NRG1: variants seen among roughly 807,000 people sequenced by gnomAD.
NRG1 encodes the protein pro-neuregulin-1, membrane-bound isoform.
NRG1 carries 18 observed loss-of-function variants against 63.8 expected under a neutral mutation model. The ratio of observed to expected loss-of-function variants is 0.28; its 90% CI spans 0.19 to 0.42. NRG1 has a LOEUF of 0.42. Ranked by LOEUF, NRG1 falls within the 10% of genes least tolerant of loss-of-function variation. The pLI is 1.00. For missense variants in NRG1, 762 were observed against 814.7 expected, an observed-to-expected ratio of 0.94 and a Z score of 0.79; for synonymous variants, 302 against 301.3, an observed-to-expected ratio of 1.00 and a Z score of -0.02.
intron 1 of NRG1, among the ~76,000 whole-genome samples, chr8:32,322,133 A>C (rs75978193): frequency 6.6e-6 from 1 of 152,020 alleles, no homozygotes; most frequent in Non-Finnish European, 1.5e-5. Context: ...CACAGTGATC[A>C]TGCCTGTGAA....
chr8:32,625,788 C>CTTTTTTTTTTTTTTTCTTTTTTTT (rs1563796353), intron 5 of NRG1, among the ~76,000 whole-genome samples: 1 of 94,240 alleles, frequency 1.1e-5, no homozygotes, highest in Admixed American at 1.1e-4. Flanking sequence ...TTTTTTTTTT[C>CTTTTTTTTTTTTTTTCTTTTTTTT]TTTTTTCTTT....
intron 1 of NRG1, among the ~76,000 whole-genome samples, chr8:32,521,009 C>T (rs927419798): frequency 1.3e-5 from 2 of 152,150 alleles, no homozygotes; most frequent in African/African-American, 4.8e-5. Flanking sequence ...AGAGTAGTGA[C>T]ATCAACATGT....
intron 1 of NRG1, among the ~76,000 whole-genome samples, chr8:32,158,022 C>T (rs980354321): frequency 1.3e-5 from 2 of 152,182 alleles, no homozygotes; most frequent in South Asian, 2.1e-4. Context: ...ACAGGACTCC[C>T]TCACATCCTG....
At chr8:32,394,118 G>A (rs747485347) in intron 1 of NRG1, among the ~76,000 whole-genome samples, 8 of 152,102 alleles carry the variant, frequency 5.3e-5, no homozygotes, top group Non-Finnish European at 1.0e-4. Flanking sequence ...CAGTAACACA[G>A]TGAGCACTTA....
intron 1 of NRG1, among the ~76,000 whole-genome samples, chr8:32,069,273 G>T (rs1036375072): frequency 6.6e-6 from 1 of 152,158 alleles, no homozygotes. Context: ...GGATACTGTT[G>T]GAAAGGGAGA....
intron 1 of NRG1, among the ~76,000 whole-genome samples, chr8:31,826,362 T>C (rs951457488): frequency 1.3e-5 from 2 of 152,108 alleles, no homozygotes; most frequent in African/African-American, 4.8e-5. Context: ...GTCTTTCCTG[T>C]GCTGTTCTCG....
chr8:32,031,820 C>T (rs1818296484), intron 1 of NRG1, among the ~76,000 whole-genome samples: 1 of 152,164 alleles, frequency 6.6e-6, no homozygotes, highest in African/African-American at 2.4e-5. Flanking sequence ...CATAGTATTC[C>T]ATGGTGTATA....
At chr8:32,333,261 T>C (rs1257104237) in intron 1 of NRG1, among the ~76,000 whole-genome samples, 1 of 152,224 alleles carries the variant, frequency 6.6e-6, no homozygotes, top group Non-Finnish European at 1.5e-5. Context: ...TTTTAGATGT[T>C]GCTTTGCTCA....
At chr8:31,804,785 A>G (rs1355369786) in intron 1 of NRG1, among the ~76,000 whole-genome samples, 1 of 152,224 alleles carries the variant, frequency 6.6e-6, no homozygotes, top group African/African-American at 2.4e-5. Context: ...CTTGTGGTCA[A>G]CTGATTATAG....
chr8:31,747,006 G>C (rs561369554), intron 1 of NRG1, among the ~76,000 whole-genome samples: 2 of 151,994 alleles, frequency 1.3e-5, no homozygotes, highest in African/African-American at 4.8e-5. Context: ...GTTACCAGAG[G>C]CTGGGAAGGG....
intron 1 of NRG1, among the ~76,000 whole-genome samples, chr8:31,887,117 A>G (rs1374235668): frequency 6.6e-6 from 1 of 152,066 alleles, no homozygotes; most frequent in Non-Finnish European, 1.5e-5. Flanking sequence ...TTTCCATGTA[A>G]TCCTGGGACC....
chr8:32,675,247 A>G (rs981036880), intron 5 of NRG1, among the ~76,000 whole-genome samples: 1 of 152,208 alleles, frequency 6.6e-6, no homozygotes, highest in Non-Finnish European at 1.5e-5. Context: ...AGAATTTTGC[A>G]TCCATACTGT....
chr8:31,762,473 C>A (rs1001321574), intron 1 of NRG1, among the ~76,000 whole-genome samples: 1 of 152,132 alleles, frequency 6.6e-6, no homozygotes, highest in African/African-American at 2.4e-5. Flanking sequence ...GGTTCCATGT[C>A]TTTGCTATTG....
chr8:32,770,612 T>G (rs1484594662), downstream of NRG1, among the ~76,000 whole-genome samples: 1 of 152,216 alleles, frequency 6.6e-6, no homozygotes, highest in Non-Finnish European at 1.5e-5. Context: ...GCACCTTTCC[T>G]AAACTTAGCT....
chr8:32,103,699 G>A (rs1276367999), intron 1 of NRG1, among the ~76,000 whole-genome samples: 2 of 152,136 alleles, frequency 1.3e-5, no homozygotes, highest in African/African-American at 4.8e-5. Flanking sequence ...TTTGCTGAAG[G>A]TGAGAATATG....
At chr8:32,645,977 T>C (rs1164125090) in intron 5 of NRG1, among the ~76,000 whole-genome samples, 1 of 152,216 alleles carries the variant, frequency 6.6e-6, no homozygotes, top group Admixed American at 6.5e-5. Context: ...AAAACTCTTC[T>C]TAGTACTTTC....
At chr8:31,728,812 G>T (rs556553084) in intron 1 of NRG1, among the ~76,000 whole-genome samples, 3 of 152,118 alleles carry the variant, frequency 2.0e-5, no homozygotes, top group Non-Finnish European at 4.4e-5. Flanking sequence ...TCTTGTTTAT[G>T]ATACTATTTC....
At chr8:31,824,173 C>G (rs1449797652) in intron 1 of NRG1, among the ~76,000 whole-genome samples, 1 of 122,638 alleles carries the variant, frequency 8.2e-6, no homozygotes, top group Non-Finnish European at 1.7e-5. Context: ...CCCCCTCCCC[C>G]CTCCCCCCAC....
intron 1 of NRG1, among the ~76,000 whole-genome samples, chr8:32,144,923 T>G (rs985321699): frequency 6.6e-6 from 1 of 152,180 alleles, no homozygotes; most frequent in African/African-American, 2.4e-5. Context: ...GAATATGAAG[T>G]TTGAGGGAAA....
Sources: gnomAD v4.1 joint callset for allele counts (sites outside exome capture counted in the v4.1 genomes callset) on GRCh38, gnomAD v4.1.1 for gene constraint, MANE v1.5 for transcripts, NCBI Gene and HGNC (gene_info 2026-07-23, HGNC 2026-07-21) for gene names.